USP30: variants seen among roughly 807,000 people sequenced by gnomAD.
USP30 encodes ubiquitin specific peptidase 30, also known as ubiquitin carboxyl-terminal hydrolase 30.
Under a neutral mutation model 68.2 loss-of-function variants are expected in USP30, and 41 were observed. That is an observed-to-expected ratio of 0.60 (90% CI 0.47 to 0.78). USP30 has a LOEUF of 0.78. Among genes scored for constraint, USP30 ranks in the 30% least tolerant of loss-of-function variants. The probability of loss-of-function intolerance (pLI) is 0.00; values close to 1 mark genes in which losing one functional copy is unlikely to be tolerated. For synonymous variants in USP30, 229 were observed against 253.7 expected (o/e 0.90, Z 0.93); for missense variants, 522 against 649.4 (o/e 0.80, Z 2.13).
chr12:109,048,414 TTC>T (rs1177886561), upstream of USP30, among the ~76,000 whole-genome samples: 1 of 151,666 alleles, frequency 6.6e-6, no homozygotes, highest in Non-Finnish European at 1.5e-5. Flanking sequence ...TTTTAAATAT[TTC>T]TGTTTCCATC....
intron 3 of USP30, among the ~76,000 whole-genome samples, chr12:109,031,923 G>A (rs555600371): frequency 1.3e-4 from 20 of 152,026 alleles, no homozygotes; most frequent in Admixed American, 1.2e-3. Context: ...TGACAACATA[G>A]CAAGACCTCA....
At chr12:109,073,920 T>G (rs2041519875) in intron 7 of USP30, among the ~76,000 whole-genome samples, 1 of 152,100 alleles carries the variant, frequency 6.6e-6, no homozygotes, top group Non-Finnish European at 1.5e-5. Context: ...CCCCAATCCA[T>G]TTTATTTTAT....
chr12:109,051,249 C>CTTTT (rs138942249), upstream of USP30, among the ~76,000 whole-genome samples: 260 of 63,478 alleles, frequency 4.1e-3, no homozygotes, highest in East Asian at 5.4e-3. Flanking sequence ...TTACCTCTTG[C>CTTTT]TTTTTTTTTT....
chr12:109,065,149 A>T (rs903956160), intron 3 of USP30, among the ~76,000 whole-genome samples: 1 of 152,250 alleles, frequency 6.6e-6, no homozygotes, highest in Non-Finnish European at 1.5e-5. Flanking sequence ...GTCAGAAAGA[A>T]GAAACAGGCT....
chr12:109,043,028 C>T (rs2040575417), intron 3 of USP30, among the ~76,000 whole-genome samples: 1 of 152,148 alleles, frequency 6.6e-6, no homozygotes, highest in Admixed American at 6.5e-5. Context: ...GAATGAAATA[C>T]TTAGGAATTA....
In USP30 at chr12:109,072,394, T is replaced by C. The variant is rs780518472; in HGVS notation, c.625+44T>C. The C allele has an allele frequency of 4.3e-5, 68 of 1,574,620 alleles. 2 individuals carry two copies. The South Asian group carries it at 4.9e-4, about 11-fold the overall frequency. On this transcript the variant is annotated intron_variant, in intron 6 of 12. Transcript: ENST00000257548. ...AATATAACACATAAGATGTGGACTT[T>C]TAAGATATGATAATAATTTGCTTGT...
At chr12:109,052,393 G>A (rs1236456706), upstream of USP30, 1 of 318,140 alleles carries the variant, frequency 3.1e-6, no homozygotes, top group Non-Finnish European at 5.7e-6. Flanking sequence ...TGGAGCCTAA[G>A]CAAATCTGAA....
chr12:109,072,422 T>A, intron 6 of USP30, 72 bp downstream of exon 6: 1 of 1,496,202 alleles, frequency 6.7e-7, no homozygotes, highest in Non-Finnish European at 9.3e-7. Context: ...TTGCTTGTTT[T>A]AAAAAGATTT....
At chr12:109,082,045 C>T (rs1036407479) in intron 9 of USP30, 26 bp downstream of exon 9, 3 of 1,611,850 alleles carry the variant, frequency 1.9e-6, no homozygotes, top group Non-Finnish European at 2.5e-6. Context: ...CAAATGTCAT[C>T]GCCAGCTGGC....
chr12:109,036,915 AT>A (rs1375464278), intron 3 of USP30, among the ~76,000 whole-genome samples: 1 of 152,116 alleles, frequency 6.6e-6, no homozygotes, highest in Non-Finnish European at 1.5e-5. Flanking sequence ...CTCTTTGAAT[AT>A]ATTCTCTTGG....
chr12:109,085,615 A>G (rs905436505), intron 12 of USP30, 52 bp from the exon 13 acceptor site: 27 of 1,594,864 alleles, frequency 1.7e-5, no homozygotes, highest in Non-Finnish European at 2.3e-5. Context: ...TTTTGCCTAT[A>G]AAGTCTTTTT....
intron 3 of USP30, among the ~76,000 whole-genome samples, chr12:109,064,338 C>G (rs1050621045): frequency 3.3e-5 from 5 of 152,182 alleles, no homozygotes; most frequent in Non-Finnish European, 5.9e-5. Flanking sequence ...AATCTCAGCT[C>G]ACTGCAATCT....
intron 2 of USP30, among the ~76,000 whole-genome samples, chr12:109,025,517 A>G (rs1365604945): frequency 6.6e-6 from 1 of 152,110 alleles, no homozygotes; most frequent in African/African-American, 2.4e-5. Context: ...AATAGATGGT[A>G]TTGGGAAAAA....
intron 7 of USP30, among the ~76,000 whole-genome samples, chr12:109,080,333 A>C (rs1400893025): frequency 6.6e-6 from 1 of 152,206 alleles, no homozygotes; most frequent in Non-Finnish European, 1.5e-5. Flanking sequence ...CCACAAACAC[A>C]CAAATCTCGC....
chr12:109,046,888 G>T lies in USP30; in HGVS notation c.-135-702G>T, dbSNP rs141319730. Among the ~76,000 whole-genome samples, 388 of 151,898 alleles carry T rather than the reference G, an allele frequency of 2.6e-3. 1 individual carries two copies. Among genetic ancestry groups the T allele is most frequent in the African/African-American group, 8.6e-3 (358 of 41,402 alleles). On this transcript the variant is annotated intron_variant, in intron 3 of 15. Coordinates refer to the USP30 transcript ENST00000392784. ...ATTTTTGTATTTTTAGTAGAGACGG[G>T]GTTTCACCATGTTGGCCAGGCTGGT... is the stretch of plus-strand genomic sequence containing the variant.
chr12:109,060,854 C>T (rs2041042488), intron 3 of USP30, among the ~76,000 whole-genome samples: 1 of 152,144 alleles, frequency 6.6e-6, no homozygotes, highest in Non-Finnish European at 1.5e-5. Context: ...AGGGTTTCAC[C>T]AGGCTGCTCT....
chr12:109,056,616 C>G, intron 1 of USP30, 66 bp from the exon 2 acceptor site: 1 of 1,156,844 alleles, frequency 8.6e-7, no homozygotes, highest in South Asian at 1.4e-5. Context: ...GTTATTCTGT[C>G]TATATCTGTA....
chr12:109,048,758 A>AC (rs2040631307), upstream of USP30, among the ~76,000 whole-genome samples: 1 of 151,334 alleles, frequency 6.6e-6, no homozygotes, highest in Admixed American at 6.6e-5. Context: ...AAAAAACAAA[A>AC]AAAGAAAGAA....
At chr12:109,054,354 C>T (rs1362717052) in intron 1 of USP30, among the ~76,000 whole-genome samples, 1 of 151,854 alleles carries the variant, frequency 6.6e-6, no homozygotes, top group African/African-American at 2.4e-5. Flanking sequence ...GACCCTGTCT[C>T]TACAAAAAAA....
Sources: gnomAD v4.1 joint callset for allele counts (sites outside exome capture counted in the v4.1 genomes callset) on GRCh38, gnomAD v4.1.1 for gene constraint, MANE v1.5 for transcripts, NCBI Gene and HGNC (gene_info 2026-07-23, HGNC 2026-07-21) for gene names.